The following PDK1 variants were observed in gnomAD, a reference collection of about 807,000 sequenced individuals.
PDK1 encodes the protein [Pyruvate dehydrogenase (acetyl-transferring)] kinase isozyme 1, mitochondrial.
PDK1 carries 39 observed loss-of-function variants against 54.2 expected under a neutral mutation model. The ratio of observed to expected loss-of-function variants is 0.72; its 90% CI spans 0.56 to 0.94. The LOEUF is 0.94. Ranked by LOEUF, PDK1 falls within the 40% of genes least tolerant of loss-of-function variation. The pLI is 0.00. For synonymous variants in PDK1, 221 were observed against 207.1 expected (o/e 1.07, Z -0.58); for missense variants, 552 against 566.0 (o/e 0.98, Z 0.25).
the PDK1 span, among the ~76,000 whole-genome samples, chr2:172,660,168 G>T: frequency 7.0e-6 from 1 of 142,114 alleles, no homozygotes; most frequent in Non-Finnish European, 1.5e-5. Flanking sequence ...ACTAATGTCT[G>T]AACAGATTAA....
chr2:172,668,473 A>G, the PDK1 span, among the ~76,000 whole-genome samples: 1 of 151,788 alleles, frequency 6.6e-6, no homozygotes, highest in Non-Finnish European at 1.5e-5. Context: ...TATACCCTTT[A>G]TGATTTAATT....
At chr2:172,722,093 T>C in the PDK1 span, among the ~76,000 whole-genome samples, 4 of 152,256 alleles carry the variant, frequency 2.6e-5, no homozygotes, top group African/African-American at 9.6e-5. Context: ...GTGGCATTCC[T>C]CCATGCTCCT....
chr2:172,700,488 C>G, the PDK1 span, among the ~76,000 whole-genome samples: 1 of 151,048 alleles, frequency 6.6e-6, no homozygotes, highest in African/African-American at 2.4e-5. Context: ...GACAGGATGA[C>G]GGCCGGGAAG....
chr2:172,593,941 A>G (rs1033013775), intron 10 of PDK1, among the ~76,000 whole-genome samples: 7 of 152,100 alleles, frequency 4.6e-5, no homozygotes, highest in Admixed American at 3.9e-4. Flanking sequence ...ATTGGAAAAA[A>G]TATCTGAAAA....
intron 9 of PDK1, 32 bp from the exon 10 acceptor site, chr2:172,592,903 C>G (rs779877856): frequency 1.7e-6 from 2 of 1,186,762 alleles, no homozygotes; most frequent in South Asian, 2.4e-5. Flanking sequence ...GTGTGTCTTT[C>G]TGAATAGAAT....
the PDK1 span, among the ~76,000 whole-genome samples, chr2:172,653,084 T>C: frequency 6.6e-6 from 1 of 152,128 alleles, no homozygotes; most frequent in African/African-American, 2.4e-5. Context: ...TACAAGGCTA[T>C]GGTAACCAAA....
the PDK1 span, among the ~76,000 whole-genome samples, chr2:172,717,265 C>G: frequency 6.6e-6 from 1 of 152,154 alleles, no homozygotes. Context: ...TGAAGCAGAG[C>G]CTCAAGCTCC....
At chr2:172,561,977 G>GA (rs1688678133) in intron 2 of PDK1, among the ~76,000 whole-genome samples, 1 of 151,992 alleles carries the variant, frequency 6.6e-6, no homozygotes, top group South Asian at 2.1e-4. Flanking sequence ...GTAGAACTCG[G>GA]AAAATCTTAA....
At position 172,556,236 on chromosome 2, in the gene PDK1, G is replaced by C. The variant is rs1168860280; in HGVS notation, c.86G>C (p.Ser29Thr). The C allele has an allele frequency of 1.4e-6, 2 of 1,458,942 alleles. No homozygotes were observed. The highest frequency in any genetic ancestry group is 2.8e-5 in the Admixed American group (1 of 35,444). 90.4% of individuals were successfully genotyped at this position (1,458,942 alleles called of 1,614,324 possible). ...LRAAGFSRSF[S>T]SDSGSSPASE... The stretch of plus-strand genomic sequence containing the variant: ...GCCGCCGGCTTCAGCCGCAGCTTCA[G>C]CTCGGACTCGGGCTCCAGCCCGGCG... The change falls in exon 1 of 11, where the codon AGC becomes ACC. Residue 29 changes from serine (S) to threonine (T), a missense_variant. Physicochemically the swap from Ser to Thr is moderately conservative, Grantham distance 58. Transcript: ENST00000282077.
rs1268970167 is a variant in PDK1, at chr2:172,601,551, C to G, written c.*5582C>G. 6.6e-6 allele frequency: 1 copy of G among 152,210 alleles called. No homozygotes were observed. Among genetic ancestry groups the G allele is most frequent in the Non-Finnish European group, 1.5e-5 (1 of 68,056 alleles). The allele number at this position is 152,210 out of a possible 1,614,324, so 9.4% of individuals were successfully genotyped here. A position where few individuals can be genotyped will look rare whatever the true frequency, so the allele number is the denominator to read the frequency against. On this transcript the variant is annotated 3_prime_UTR_variant, in exon 11 of 11. Transcript: ENST00000282077. ...TCCTGCATTCATTCTTCCTGCTGCC[C>G]TGTGAAGAGGTGCCTTCCACCATGA... is the stretch of plus-strand genomic sequence containing the variant.
At chr2:172,668,854 CATAT>C in the PDK1 span, among the ~76,000 whole-genome samples, 1 of 141,830 alleles carries the variant, frequency 7.1e-6, no homozygotes, top group Non-Finnish European at 1.5e-5. Flanking sequence ...CACACACACA[CATAT>C]ATATGTATGT....
At chr2:172,593,242 T>G (rs1283611703) in intron 10 of PDK1, among the ~76,000 whole-genome samples, 194 bp downstream of exon 10, 1 of 152,046 alleles carries the variant, frequency 6.6e-6, no homozygotes, top group Non-Finnish European at 1.5e-5. Context: ...TATCCTGGAG[T>G]GATTAGGACT....
chr2:172,632,728 T>C, the PDK1 span, among the ~76,000 whole-genome samples: 2 of 151,916 alleles, frequency 1.3e-5, no homozygotes, highest in African/African-American at 4.8e-5. Flanking sequence ...ACGCCTGTAA[T>C]CCCAGTACTT....
chr2:172,652,330 G>C, the PDK1 span, among the ~76,000 whole-genome samples: 4 of 152,056 alleles, frequency 2.6e-5, no homozygotes, highest in African/African-American at 9.7e-5. Context: ...AAAATAATAA[G>C]AGCTATTTAT....
the PDK1 span, among the ~76,000 whole-genome samples, chr2:172,697,529 G>A: frequency 7.2e-4 from 109 of 152,228 alleles, no homozygotes; most frequent in Non-Finnish European, 3.4e-4. Flanking sequence ...TAGAATACAC[G>A]TGCTGAGCAG....
intron 10 of PDK1, 87 bp from the exon 11 acceptor site, chr2:172,595,742 C>T (rs1302815915): frequency 1.6e-5 from 17 of 1,052,410 alleles, no homozygotes; most frequent in East Asian, 2.4e-5. Context: ...TTTAATTTGT[C>T]GTAACCTTTT....
chr2:172,599,449 T>TA lies in PDK1; in HGVS notation c.*3482dup, dbSNP rs1691038309. The stretch of plus-strand genomic sequence containing the variant: ...TCAGTTTATGTCTTTAATTGTGATG[T>TA]AAGTGTGAAGTTTCTACATATGGGT... On this transcript the variant is annotated 3_prime_UTR_variant, in exon 11 of 11. Coordinates refer to ENST00000282077, the MANE Select transcript of PDK1 (RefSeq NM_002610.5). 1 of 152,186 alleles carries TA rather than the reference T, an allele frequency of 6.6e-6. No individual in the cohort carries two copies. The highest frequency in any genetic ancestry group is 1.5e-5 in the Non-Finnish European group (1 of 68,018). The allele number at this position is 152,186 out of a possible 1,614,324, so 9.4% of individuals were successfully genotyped here. A position where few individuals can be genotyped will look rare whatever the true frequency, so the allele number is the denominator to read the frequency against.
chr2:172,636,656 G>A, the PDK1 span, among the ~76,000 whole-genome samples: 1 of 151,306 alleles, frequency 6.6e-6, no homozygotes, highest in Admixed American at 6.6e-5. Context: ...GGGAGGTGGA[G>A]GTTGCAGTGA....
intron 2 of PDK1, 76 bp from the exon 3 acceptor site, chr2:172,562,144 C>G (rs2149200012): frequency 1.3e-6 from 1 of 778,514 alleles, no homozygotes; most frequent in Middle Eastern, 3.5e-4. Context: ...CTAAAAATAG[C>G]TTTTGAGCTA....
Sources: allele counts gnomAD v4.1 joint callset (sites outside exome capture counted in the v4.1 genomes callset), GRCh38; gene constraint gnomAD v4.1.1; transcripts MANE v1.5; gene names NCBI Gene and HGNC (gene_info 2026-07-23, HGNC 2026-07-21).